Variants in THNSL1 observed in about 807,000 individuals in gnomAD.
THNSL1 encodes threonine synthase like 1.
In THNSL1, 48 loss-of-function variants were observed where a neutral mutation model predicts 50.4. The ratio of observed to expected loss-of-function variants is 0.95; its 90% CI spans 0.76 to 1.21. THNSL1 has a LOEUF of 1.21. Ranked by LOEUF, THNSL1 falls within the 50% of genes most tolerant of loss-of-function variation. The pLI is 0.00. For missense variants in THNSL1, 896 were observed against 871.7 expected (o/e 1.03, Z -0.35); for synonymous variants, 309 against 306.1 (o/e 1.01, Z -0.10).
the THNSL1 span, among the ~76,000 whole-genome samples, chr10:25,000,481 A>G: frequency 9.9e-5 from 15 of 152,084 alleles, no homozygotes; most frequent in Non-Finnish European, 1.8e-4. Context: ...TGCTTTATGT[A>G]TTTTGAAACT....
At chr10:24,991,464 T>C in the THNSL1 span, among the ~76,000 whole-genome samples, 1 of 148,990 alleles carries the variant, frequency 6.7e-6, no homozygotes. Context: ...AACACATCAA[T>C]GGAAGAACGT....
the THNSL1 span, among the ~76,000 whole-genome samples, chr10:24,978,451 CCTCT>C: frequency 1.3e-5 from 2 of 150,132 alleles, no homozygotes; most frequent in African/African-American, 2.5e-5. Context: ...CTCTCTCTCT[CCTCT>C]CTCTCTCTTT....
At chr10:24,995,951 C>A in the THNSL1 span, 1 of 1,133,144 alleles carries the variant, frequency 8.8e-7, no homozygotes, top group Non-Finnish European at 1.2e-6. Context: ...AGATATTTCA[C>A]CACTTGTATA....
upstream of THNSL1, chr10:25,016,578 C>T (rs939481842): frequency 1.3e-5 from 2 of 152,326 alleles, no homozygotes; most frequent in Non-Finnish European, 2.9e-5. Context: ...AAAGGAGAGT[C>T]ACGTGCCCTG....
At chr10:25,021,992 A>G (rs1309143356) in intron 2 of THNSL1, 84 bp downstream of exon 2, 1 of 152,222 alleles carries the variant, frequency 6.6e-6, no homozygotes, top group Admixed American at 6.5e-5. Context: ...AGTCAGTATT[A>G]CATGATTAAA....
the THNSL1 span, among the ~76,000 whole-genome samples, chr10:24,999,082 A>G: frequency 6.6e-6 from 1 of 152,182 alleles, no homozygotes; most frequent in East Asian, 1.9e-4. Context: ...TTAGTCAGAT[A>G]CTGTCCCTGG....
chr10:24,996,296 C>A, the THNSL1 span, among the ~76,000 whole-genome samples: 1 of 152,082 alleles, frequency 6.6e-6, no homozygotes, highest in African/African-American at 2.4e-5. Flanking sequence ...ATAGTGTGCA[C>A]CCTTAGTCCC....
the THNSL1 span, chr10:24,984,379 GC>G: frequency 7.0e-7 from 1 of 1,423,590 alleles, no homozygotes; most frequent in Admixed American, 2.5e-5. Context: ...ATCATGCGCT[GC>G]AGAAAAAAAA....
At chr10:25,022,460 T>C (rs1850740870) in intron 2 of THNSL1, among the ~76,000 whole-genome samples, 1 of 152,210 alleles carries the variant, frequency 6.6e-6, no homozygotes, top group African/African-American at 2.4e-5. Flanking sequence ...CTTAACTATT[T>C]GTATAATATA....
chr10:24,970,099 T>C, the THNSL1 span, among the ~76,000 whole-genome samples: 108 of 152,274 alleles, frequency 7.1e-4, no homozygotes, highest in African/African-American at 2.5e-3. Context: ...TGAAATCACG[T>C]GAAGAGGAGG....
At chr10:24,952,556 T>G in the THNSL1 span, 1 of 1,591,544 alleles carries the variant, frequency 6.3e-7, no homozygotes, top group Admixed American at 1.8e-5. This position sits in a 1 kb window ranked among gnomAD's most constrained non-coding sequence, Gnocchi z 5.1. Context: ...GTCTGGCGCC[T>G]CCTCGCTGCT....
In THNSL1 at chr10:25,024,389, G is replaced by C. The variant is rs142292961; in HGVS notation, c.1166G>C (p.Gly389Ala). The change falls in exon 3 of 3, where the codon GGT becomes GCT. Residue 389 changes from glycine to alanine, a missense_variant. Gly to Ala is a moderately conservative substitution (Grantham distance 60). Transcript: ENST00000376356. ...SGDTGSAVLNGFSRLNKNDKQ... is the reference protein window; with the variant it reads ...SGDTGSAVLNAFSRLNKNDKQ... ...GACACAGGGAGTGCAGTCTTAAATGGTTTTAGTCGTCTAAATAAGAATGAT... is the reference window on the plus strand; with the variant it reads ...GACACAGGGAGTGCAGTCTTAAATGCTTTTAGTCGTCTAAATAAGAATGAT... 6.2e-7 allele frequency: 1 copy of C among 1,613,724 alleles called. No homozygotes were observed. Among genetic ancestry groups the C allele is most frequent in the Non-Finnish European group, 8.5e-7 (1 of 1,180,014 alleles).
chr10:25,025,365 G>T lies in THNSL1; in HGVS notation c.2142G>T (p.Gln714His), dbSNP rs773981018. Residue 714 changes from glutamine (Q) to histidine (H), a missense_variant, in exon 3 of 3, where the codon CAG becomes CAT. Transcript: ENST00000376356. Reference protein sequence around the residue: ...LHEALLERTKQQEKMEYQVCA... With the variant: ...LHEALLERTKHQEKMEYQVCA... ...AGGCTTTATTAGAGAGAACAAAACAGCAAGAGAAGATGGAGTACCAGGTCT... is the reference window on the plus strand; with the variant it reads ...AGGCTTTATTAGAGAGAACAAAACATCAAGAGAAGATGGAGTACCAGGTCT... The T allele has an allele frequency of 3.7e-6, 6 of 1,614,088 alleles. No homozygotes were observed. Among genetic ancestry groups the T allele is most frequent in the Admixed American group, 3.3e-5 (2 of 60,008 alleles).
At chr10:24,958,648 T>G in the THNSL1 span, among the ~76,000 whole-genome samples, 216 of 152,306 alleles carry the variant, frequency 1.4e-3, no homozygotes, top group Non-Finnish European at 1.9e-3. Flanking sequence ...ATCTCCAGAG[T>G]AGGTCTTACA....
the THNSL1 span, among the ~76,000 whole-genome samples, chr10:24,953,007 C>G: frequency 6.6e-6 from 1 of 152,044 alleles, no homozygotes; most frequent in African/African-American, 2.4e-5. Flanking sequence ...ATCCACCGTC[C>G]CAGCCCTCGG....
the THNSL1 span, among the ~76,000 whole-genome samples, chr10:24,980,655 TA>T: frequency 6.6e-6 from 1 of 152,168 alleles, no homozygotes; most frequent in African/African-American, 2.4e-5. Flanking sequence ...AGGCTTTTGA[TA>T]AAATAAATTT....
chr10:24,984,251 C>A, the THNSL1 span: 4 of 1,149,348 alleles, frequency 3.5e-6, no homozygotes, highest in Non-Finnish European at 4.9e-6. Context: ...GAAAATACAT[C>A]TTTTGCATTT....
the THNSL1 span, among the ~76,000 whole-genome samples, chr10:25,002,936 G>A: frequency 5.3e-5 from 8 of 151,910 alleles, no homozygotes; most frequent in East Asian, 1.4e-3. Context: ...AAAAAAAGGT[G>A]TCTTTACTTC....
At chr10:25,014,441 C>A (rs1309958727), upstream of THNSL1, among the ~76,000 whole-genome samples, 1 of 151,964 alleles carries the variant, frequency 6.6e-6, no homozygotes, top group Non-Finnish European at 1.5e-5. Flanking sequence ...AACAGATATA[C>A]TAGTGCAATA....
Sources: gnomAD v4.1 joint callset for allele counts (sites outside exome capture counted in the v4.1 genomes callset) on GRCh38, gnomAD v4.1.1 for gene constraint, Gnocchi (gnomAD v3.1) non-coding constraint, MANE v1.5 for transcripts, NCBI Gene and HGNC (gene_info 2026-07-23, HGNC 2026-07-21) for gene names.